The following SKIC8 variants were observed in gnomAD, a reference collection of about 807,000 sequenced individuals.
SKIC8 encodes the protein superkiller complex protein 8.
the SKIC8 span, chr15:78,289,952 T>C: frequency 1.2e-6 from 2 of 1,613,148 alleles, no homozygotes; most frequent in Non-Finnish European, 1.7e-6. Flanking sequence ...TTTCCTTACA[T>C]ATGCAATACT....
At chr15:78,296,018 G>GA in the SKIC8 span, 4 of 262,254 alleles carry the variant, frequency 1.5e-5, no homozygotes, top group Non-Finnish European at 2.8e-5. Context: ...TCTTTAGAGA[G>GA]AAAAAAACCA....
chr15:78,283,749 C>G, the SKIC8 span: 1 of 418,752 alleles, frequency 2.4e-6, no homozygotes, highest in Non-Finnish European at 4.2e-6. Context: ...AAAAAAAAAT[C>G]ATTTTTAAAT....
At chr15:78,284,180 C>G in the SKIC8 span, 1 of 152,050 alleles carries the variant, frequency 6.6e-6, no homozygotes. Context: ...AGCCTGTCAC[C>G]CTACTCTGAT....
chr15:78,293,193 T>C, the SKIC8 span: 2 of 1,614,044 alleles, frequency 1.2e-6, no homozygotes, highest in Non-Finnish European at 1.7e-6. Context: ...CCAGGTCATC[T>C]AGGGAGCCTG....
chr15:78,284,062 G>A, the SKIC8 span: 1 of 152,248 alleles, frequency 6.6e-6, no homozygotes, highest in South Asian at 2.1e-4. Context: ...TATTTGCTAT[G>A]TGTTAAATTA....
At chr15:78,287,984 A>C in the SKIC8 span, among the ~76,000 whole-genome samples, 1 of 152,098 alleles carries the variant, frequency 6.6e-6, no homozygotes, top group Non-Finnish European at 1.5e-5. Context: ...CCATTTCCTC[A>C]TCTGTATATT....
chr15:78,296,018 G>A, the SKIC8 span: 1 of 262,370 alleles, frequency 3.8e-6, no homozygotes, highest in Non-Finnish European at 7.0e-6. Flanking sequence ...TCTTTAGAGA[G>A]AAAAAAACCA....
the SKIC8 span, chr15:78,295,790 T>G: frequency 7.4e-7 from 1 of 1,353,666 alleles, no homozygotes. Flanking sequence ...CACAGGAAGT[T>G]CCCCTTGACC....
the SKIC8 span, among the ~76,000 whole-genome samples, chr15:78,291,439 G>A: frequency 3.0e-4 from 46 of 152,248 alleles, no homozygotes; most frequent in East Asian, 8.9e-3. Flanking sequence ...GCAGGGTAAG[G>A]GTACATGTAA....
At chr15:78,294,206 AGCTAACCTGAATGAT>A in the SKIC8 span, among the ~76,000 whole-genome samples, 40 of 152,342 alleles carry the variant, frequency 2.6e-4, no homozygotes, top group African/African-American at 9.6e-4. Flanking sequence ...TACTTACACT[AGCTAACCTGAATGAT>A]GCTTTTGGCT....
At chr15:78,295,736 A>G in the SKIC8 span, 1 of 1,516,008 alleles carries the variant, frequency 6.6e-7, no homozygotes, top group Non-Finnish European at 8.8e-7. Context: ...CTGTGGAAAC[A>G]ACACCAGGAT....
the SKIC8 span, chr15:78,292,534 C>T: frequency 6.3e-7 from 1 of 1,576,094 alleles, no homozygotes; most frequent in South Asian, 1.1e-5. Context: ...AAATTCTGAG[C>T]TGTAAAACAC....
At chr15:78,295,868 C>T in the SKIC8 span, 2 of 563,488 alleles carry the variant, frequency 3.5e-6, no homozygotes, top group Non-Finnish European at 3.0e-6. Context: ...TCCCTGGAAC[C>T]TCCTTCGCAC....
the SKIC8 span, chr15:78,291,066 G>C: frequency 2.0e-5 from 3 of 152,184 alleles, no homozygotes; most frequent in African/African-American, 7.2e-5. Flanking sequence ...GGGATTACAG[G>C]TGTGAGCCAC....
chr15:78,292,898 G>T, the SKIC8 span: 1 of 1,274,208 alleles, frequency 7.8e-7, no homozygotes. Flanking sequence ...ATGAAATACA[G>T]AATCAGAGAA....
At chr15:78,293,157 A>C in the SKIC8 span, 19 of 1,611,066 alleles carry the variant, frequency 1.2e-5, no homozygotes, top group East Asian at 2.2e-5. Context: ...GTTAGGGGAG[A>C]GGCACTCACC....
chr15:78,290,654 A>T, the SKIC8 span: 1 of 152,328 alleles, frequency 6.6e-6, no homozygotes, highest in African/African-American at 2.4e-5. Flanking sequence ...TCATCCAAGG[A>T]GTTTTACCTT....
the SKIC8 span, chr15:78,292,261 C>G: frequency 3.8e-6 from 1 of 263,128 alleles, no homozygotes; most frequent in Non-Finnish European, 7.5e-6. Flanking sequence ...CAGGTCAACG[C>G]CAAACCAGCA....
the SKIC8 span, among the ~76,000 whole-genome samples, chr15:78,296,368 T>C: frequency 2.0e-5 from 3 of 151,806 alleles, no homozygotes; most frequent in Non-Finnish European, 2.9e-5. Context: ...ATTGTGCCAC[T>C]GAACTCCAGC....
Sources: allele counts gnomAD v4.1 joint callset (sites outside exome capture counted in the v4.1 genomes callset), GRCh38; gene constraint gnomAD v4.1.1; transcripts MANE v1.5; gene names NCBI Gene and HGNC (gene_info 2026-07-23, HGNC 2026-07-21).